Variants in PCSK5 observed in about 807,000 individuals in gnomAD.
PCSK5 encodes the protein prohormone convertase 5.
PCSK5 carries 129 observed loss-of-function variants against 233.2 expected under a neutral mutation model. The ratio of observed to expected loss-of-function variants is 0.55; its 90% CI spans 0.48 to 0.64. The LOEUF (loss-of-function observed/expected upper bound fraction) is 0.64. Ranked by LOEUF, PCSK5 falls within the 30% of genes least tolerant of loss-of-function variation. The pLI, the probability that PCSK5 is intolerant of heterozygous loss-of-function variation, is 0.00. For synonymous variants in PCSK5, 825 were observed against 879.2 expected, an observed-to-expected ratio of 0.94 and a Z score of 1.09; for missense variants, 2,076 against 2,430.1, an observed-to-expected ratio of 0.85 and a Z score of 3.06.
At position 76,092,362 on chromosome 9, in the gene PCSK5, T is replaced by A. The variant is rs142647786; in HGVS notation, c.895-3528T>A. On this transcript the variant is annotated intron_variant, in intron 7 of 37. Coordinates refer to ENST00000674117, the MANE Select transcript of PCSK5 (RefSeq NM_001372043.1). Reference sequence around the variant, plus strand: ...TTAATAGCTCAGGCTGTGGCTCCAGTCAGTTTTCAAGGTCTGGCGCTTTCT... The same window carrying A: ...TTAATAGCTCAGGCTGTGGCTCCAGACAGTTTTCAAGGTCTGGCGCTTTCT... Among the ~76,000 whole-genome samples the A allele has an allele frequency of 2.7e-3, 415 of 152,282 alleles. 4 individuals are homozygous for A. The highest frequency in any genetic ancestry group is 9.3e-3 in the African/African-American group (385 of 41,556).
chr9:76,242,732 T>C (rs1826468228), intron 24 of PCSK5, among the ~76,000 whole-genome samples: 1 of 152,238 alleles, frequency 6.6e-6, no homozygotes, highest in African/African-American at 2.4e-5. Flanking sequence ...AGCTAATTTC[T>C]GTGGTCTTCT....
rs192875080 is a variant in PCSK5 at position 75,937,899 on chromosome 9, A to G, written c.297+5416A>G. Among the ~76,000 whole-genome samples, 14 of 152,298 alleles carry G rather than the reference A, an allele frequency of 9.2e-5. No individual in the cohort carries two copies. In the East Asian group the frequency reaches 1.9e-3, roughly 21 times the overall value. On this transcript the variant is annotated intron_variant, in intron 2 of 37. Coordinates refer to ENST00000674117, the MANE Select transcript of PCSK5 (RefSeq NM_001372043.1). ...CCTTACGTCTCTCAGCCTTCTTAGA[A>G]TTGGAGAGTTAGGGCATTGCTCTGG...
Position 76,338,361 on chromosome 9 carries a change from G to C in PCSK5, c.4880G>C (p.Cys1627Ser). 1 of 1,612,512 alleles carries C rather than the reference G, an allele frequency of 6.2e-7. No homozygotes were observed. ...FFFLLRSKGE[C>S]HRSCPDHYYV... ...TTTCTGCTCCGCTCCAAAGGAGAGTGTCATCGCTCCTGCCCAGACCATTAC... is the reference window on the plus strand; with the variant it reads ...TTTCTGCTCCGCTCCAAAGGAGAGTCTCATCGCTCCTGCCCAGACCATTAC... Residue 1627 changes from cysteine to serine, a missense_variant, in exon 35 of 38, where the codon TGT (cysteine) becomes TCT (serine). Around this residue, in one of 6 missense-constraint regions of PCSK5, gnomAD observed 1,510 missense variants for 1,538.1 expected, o/e 0.98. Coordinates refer to ENST00000674117, the MANE Select transcript of PCSK5 (RefSeq NM_001372043.1).
chr9:76,154,166 A>G (rs1466190513), intron 10 of PCSK5, among the ~76,000 whole-genome samples: 1 of 152,110 alleles, frequency 6.6e-6, no homozygotes, highest in African/African-American at 2.4e-5. Flanking sequence ...GTTCATTAAT[A>G]TTATATTAGT....
intron 7 of PCSK5, among the ~76,000 whole-genome samples, chr9:76,094,638 C>G (rs754153581): frequency 1.3e-5 from 2 of 152,008 alleles, no homozygotes; most frequent in Non-Finnish European, 2.9e-5. Flanking sequence ...GAGTCTCACT[C>G]TGTCGCCCAG....
chr9:76,358,628 G>A lies in PCSK5; in HGVS notation c.5370G>A (p.Val1790=), dbSNP rs914131327. The A allele has an allele frequency of 6.2e-7, 1 of 1,612,792 alleles. No homozygotes were observed. Among genetic ancestry groups the A allele is most frequent in the Non-Finnish European group, 8.5e-7 (1 of 1,179,884 alleles). The stretch of plus-strand genomic sequence containing the variant: ...TTCTGCTCGGGGCAGCTGTGGTAGT[G>A]TGGAAGAAATCTCGTGGCCGAGTCC... ...LVLLLGAAVV[V]WKKSRGRVQP... is the part of the protein sequence containing the mutation. The change falls in exon 38 of 38, where the codon GTG becomes GTA. Residue 1790 remains valine, a synonymous_variant. Coordinates refer to ENST00000674117, the MANE Select transcript of PCSK5 (RefSeq NM_001372043.1).
At chr9:76,070,987 C>G (rs2131601820) in intron 6 of PCSK5, among the ~76,000 whole-genome samples, 1 of 152,104 alleles carries the variant, frequency 6.6e-6, no homozygotes, top group Admixed American at 6.5e-5. Context: ...TTTTATGAGC[C>G]TCCAAAATAG....
intron 7 of PCSK5, among the ~76,000 whole-genome samples, chr9:76,072,454 A>T (rs1444159282): frequency 6.6e-6 from 1 of 152,242 alleles, no homozygotes; most frequent in African/African-American, 2.4e-5. Context: ...ATCTAATGTA[A>T]TAAAATGTCT....
At chr9:76,010,211 T>G (rs138006539) in intron 3 of PCSK5, among the ~76,000 whole-genome samples, 241 of 152,330 alleles carry the variant, frequency 1.6e-3, no homozygotes, top group African/African-American at 5.4e-3. Flanking sequence ...GAGAAAATAG[T>G]CTGGTTCCGT....
At chr9:76,112,176 T>C (rs1832246399) in intron 9 of PCSK5, among the ~76,000 whole-genome samples, 1 of 152,168 alleles carries the variant, frequency 6.6e-6, no homozygotes, top group South Asian at 2.1e-4. Context: ...GAATATATGT[T>C]CAGTAATCAA....
At chr9:76,274,692 T>A (rs1318125373) in intron 24 of PCSK5, among the ~76,000 whole-genome samples, 1 of 152,242 alleles carries the variant, frequency 6.6e-6, no homozygotes, top group Non-Finnish European at 1.5e-5. Context: ...GATATCTAGC[T>A]TAGGGTTACA....
intron 20 of PCSK5, chr9:76,193,225 CT>C (rs759342786): frequency 1.2e-6 from 2 of 1,611,856 alleles, no homozygotes; most frequent in Non-Finnish European, 1.7e-6. Context: ...CTCTTGCTGA[CT>C]TCTGGAAAAG....
At chr9:75,936,159 G>A (rs1824046629) in intron 2 of PCSK5, among the ~76,000 whole-genome samples, 1 of 152,140 alleles carries the variant, frequency 6.6e-6, no homozygotes, top group Non-Finnish European at 1.5e-5. Flanking sequence ...ATGATCATCT[G>A]AGCCTTCAGT....
intron 1 of PCSK5, among the ~76,000 whole-genome samples, chr9:75,891,613 C>T (rs73464415): frequency 0.04 from 6,119 of 152,106 alleles, 370 homozygotes; most frequent in African/African-American, 0.13. Context: ...TTCCAAGCCA[C>T]GCGGGACTGG....
chr9:76,053,394 T>C (rs919142528), intron 5 of PCSK5, among the ~76,000 whole-genome samples: 1 of 152,234 alleles, frequency 6.6e-6, no homozygotes, highest in African/African-American at 2.4e-5. Flanking sequence ...TGGTTACTTA[T>C]GCAGATTTCT....
chr9:76,012,482 A>G (rs958718809), intron 3 of PCSK5, among the ~76,000 whole-genome samples: 3 of 152,220 alleles, frequency 2.0e-5, no homozygotes, highest in Admixed American at 1.3e-4. Flanking sequence ...TGTAAGTGGT[A>G]ATAATAAATT....
chr9:75,912,475 G>C (rs1446264876), intron 1 of PCSK5, among the ~76,000 whole-genome samples: 1 of 152,188 alleles, frequency 6.6e-6, no homozygotes, highest in African/African-American at 2.4e-5. Flanking sequence ...CTGTTAAAAT[G>C]TGGATTCTGG....
chr9:75,995,652 A>G (rs1032053176), intron 3 of PCSK5, among the ~76,000 whole-genome samples: 2 of 151,270 alleles, frequency 1.3e-5, no homozygotes, highest in Admixed American at 1.3e-4. Context: ...GTCACAGAGG[A>G]CTATTTCTTT....
At chr9:76,245,829 T>G (rs1203904295) in intron 24 of PCSK5, among the ~76,000 whole-genome samples, 2 of 152,136 alleles carry the variant, frequency 1.3e-5, no homozygotes, top group African/African-American at 4.8e-5. Flanking sequence ...GTTAACTGTG[T>G]TCAGGATAAT....
Sources: allele counts gnomAD v4.1 joint callset (sites outside exome capture counted in the v4.1 genomes callset), GRCh38; gene constraint gnomAD v4.1.1; regional missense constraint gnomAD v4.1.1; transcripts MANE v1.5; gene names NCBI Gene and HGNC (gene_info 2026-07-23, HGNC 2026-07-21).